The following GRID2 variants were observed in gnomAD, a reference collection of about 807,000 sequenced individuals.
The protein encoded by GRID2 is glutamate ionotropic receptor delta type subunit 2, also known as glutamate receptor ionotropic, delta-2.
A neutral mutation model predicts 114.8 loss-of-function variants in GRID2; 33 were observed. The ratio of observed to expected loss-of-function variants is 0.29; its 90% CI spans 0.22 to 0.38. GRID2 has a LOEUF of 0.38. Among genes scored for constraint, GRID2 ranks in the 10% least tolerant of loss-of-function variants. The pLI is 1.00. For missense variants in GRID2, 1,184 were observed against 1,257.7 expected (o/e 0.94, Z 0.89); for synonymous variants, 505 against 449.9 (o/e 1.12, Z -1.55).
intron 2 of GRID2, among the ~76,000 whole-genome samples, chr4:92,775,347 A>G (rs1738739185): frequency 6.6e-6 from 1 of 152,188 alleles, no homozygotes; most frequent in Admixed American, 6.6e-5. Flanking sequence ...CCTTGAAAGT[A>G]AAACAGCTGA....
intron 1 of GRID2, among the ~76,000 whole-genome samples, chr4:92,378,931 T>G (rs983512654): frequency 1.3e-5 from 2 of 152,020 alleles, no homozygotes; most frequent in African/African-American, 4.8e-5. Flanking sequence ...ACCTTAAATG[T>G]TAAAATTTTT....
intron 14 of GRID2, among the ~76,000 whole-genome samples, chr4:93,727,558 G>A (rs1194245656): frequency 3.3e-5 from 5 of 152,226 alleles, no homozygotes; most frequent in African/African-American, 9.6e-5. Flanking sequence ...TTCAGAAGGA[G>A]TGGTACCAGT....
intron 1 of GRID2, among the ~76,000 whole-genome samples, chr4:92,436,120 G>A (rs750372961): frequency 3.9e-5 from 6 of 152,122 alleles, no homozygotes; most frequent in Non-Finnish European, 7.4e-5. Flanking sequence ...GATCCTACAT[G>A]CTATGAAAGT....
intron 2 of GRID2, among the ~76,000 whole-genome samples, chr4:92,995,262 T>C (rs908319126): frequency 3.9e-5 from 6 of 152,112 alleles, no homozygotes; most frequent in Non-Finnish European, 5.9e-5. Flanking sequence ...TTATTCTCTC[T>C]CTCCCTCCTC....
intron 1 of GRID2, among the ~76,000 whole-genome samples, chr4:92,544,812 G>A (rs947500150): frequency 1.4e-4 from 21 of 151,984 alleles, no homozygotes; most frequent in Non-Finnish European, 2.5e-4. Context: ...TACACACGTA[G>A]TCCTCTTGAC....
At chr4:93,123,962 T>C (rs1014023652) in intron 4 of GRID2, among the ~76,000 whole-genome samples, 3 of 57,392 alleles carry the variant, frequency 5.2e-5, no homozygotes, top group African/African-American at 2.1e-4. Flanking sequence ...AATTTGAGGT[T>C]GGGGGAGGGG....
At chr4:93,076,178 G>A (rs543409467) in intron 2 of GRID2, among the ~76,000 whole-genome samples, 1 of 152,068 alleles carries the variant, frequency 6.6e-6, no homozygotes, top group East Asian at 1.9e-4. Context: ...GATTACAGGC[G>A]TGAGCAACTA....
intron 8 of GRID2, among the ~76,000 whole-genome samples, chr4:93,285,896 A>G (rs1009462943): frequency 3.9e-5 from 6 of 152,010 alleles, no homozygotes; most frequent in Non-Finnish European, 7.4e-5. Context: ...AATTTGATCT[A>G]CAAAGACATC....
chr4:93,756,399 G>A (rs1218819101), intron 14 of GRID2, among the ~76,000 whole-genome samples: 1 of 152,194 alleles, frequency 6.6e-6, no homozygotes, highest in Non-Finnish European at 1.5e-5. Context: ...CACAGACTGG[G>A]TGGCTTAAAC....
At chr4:93,497,609 A>G (rs1015936608) in intron 12 of GRID2, among the ~76,000 whole-genome samples, 3 of 151,662 alleles carry the variant, frequency 2.0e-5, no homozygotes, top group Admixed American at 1.3e-4. Context: ...TGAAAAGACT[A>G]TCCTTTCTTC....
chr4:92,807,419 A>G (rs1740471812), intron 2 of GRID2, among the ~76,000 whole-genome samples: 1 of 151,926 alleles, frequency 6.6e-6, no homozygotes, highest in African/African-American at 2.4e-5. Flanking sequence ...CATATTTTAA[A>G]TGTGATGTGC....
At chr4:92,311,846 A>G (rs1725724088) in intron 1 of GRID2, among the ~76,000 whole-genome samples, 2 of 152,054 alleles carry the variant, frequency 1.3e-5, no homozygotes, top group Admixed American at 1.3e-4. Flanking sequence ...TTAGTCTCTA[A>G]AATTAAAATG....
chr4:92,937,935 A>C (rs1021387357), intron 2 of GRID2, among the ~76,000 whole-genome samples: 2 of 146,638 alleles, frequency 1.4e-5, no homozygotes, highest in African/African-American at 2.4e-5. Context: ...ATCTAAGTAG[A>C]TAGGTTTCAA....
rs143540332 is a variant in GRID2 at position 93,790,664 on chromosome 4, C to A, written c.222-16051C>A. Among the ~76,000 whole-genome samples the A allele has an allele frequency of 2.4e-3, 358 of 151,748 alleles. 1 individual carries two copies. Among genetic ancestry groups the A allele is most frequent in the African/African-American group, 7.8e-3 (324 of 41,368 alleles). On this transcript the variant is annotated intron_variant, in intron 1 of 1. Transcript: ENST00000637838. ...TAAAATAACATTTTTAAAAACTAAT[C>A]TTTTGACAAACATGTTCATGTAAAA...
intron 2 of GRID2, among the ~76,000 whole-genome samples, chr4:93,041,220 G>A (rs1224578869): frequency 1.3e-5 from 2 of 152,070 alleles, no homozygotes. Flanking sequence ...ATCATCTAGT[G>A]GGAGAATCAG....
At chr4:92,806,533 T>C (rs1047708898) in intron 2 of GRID2, among the ~76,000 whole-genome samples, 1 of 151,912 alleles carries the variant, frequency 6.6e-6, no homozygotes, top group African/African-American at 2.4e-5. Context: ...ATATATATTT[T>C]CTTTTATACC....
chr4:92,963,929 T>C (rs1416877062), intron 2 of GRID2, among the ~76,000 whole-genome samples: 1 of 152,020 alleles, frequency 6.6e-6, no homozygotes, highest in Non-Finnish European at 1.5e-5. Context: ...TTAATTTCCT[T>C]GTGAATCTCG....
At chr4:93,144,149 G>A (rs1460978485) in intron 4 of GRID2, among the ~76,000 whole-genome samples, 1 of 152,086 alleles carries the variant, frequency 6.6e-6, no homozygotes, top group Non-Finnish European at 1.5e-5. Flanking sequence ...GCCAGGAGGT[G>A]CTCATATTGC....
intron 1 of GRID2, among the ~76,000 whole-genome samples, chr4:92,466,745 C>A (rs1721769022): frequency 2.0e-5 from 3 of 151,446 alleles, no homozygotes; most frequent in African/African-American, 7.3e-5. Flanking sequence ...AGTGGATTGG[C>A]ATATTTCTGT....
Sources: gnomAD v4.1 joint callset for allele counts (sites outside exome capture counted in the v4.1 genomes callset) on GRCh38, gnomAD v4.1.1 for gene constraint, MANE v1.5 for transcripts, NCBI Gene and HGNC (gene_info 2026-07-23, HGNC 2026-07-21) for gene names.